CUX2: variants seen among roughly 807,000 people sequenced by gnomAD.
The protein encoded by CUX2 is homeobox protein cut-like 2.
A neutral mutation model predicts 144.8 loss-of-function variants in CUX2; 40 were observed. That is an observed-to-expected ratio of 0.28 (90% CI 0.21 to 0.36). The LOEUF (loss-of-function observed/expected upper bound fraction) is 0.36, where lower values mean the gene tolerates loss of function less well. Ranked by LOEUF, CUX2 falls within the 10% of genes least tolerant of loss-of-function variation. The probability of loss-of-function intolerance (pLI) is 1.00; values close to 1 mark genes in which losing one functional copy is unlikely to be tolerated. For synonymous variants in CUX2, 827 were observed against 875.6 expected (o/e 0.94, Z 0.98); for missense variants, 1,615 against 1,994.0 (o/e 0.81, Z 3.62).
Position 111,293,585 on chromosome 12 carries a change from T to C in CUX2, c.560+16T>C. The C allele has an allele frequency of 6.4e-7, 1 of 1,561,954 alleles. No individual in the cohort carries two copies. The highest frequency in any genetic ancestry group is 8.7e-7 in the Non-Finnish European group (1 of 1,153,206). ...AAAAACAAAAGTGAGGAAGGGAAGG[T>C]GGGTGGGAGGGAGGAAGGAATGGGC... On this transcript the variant is annotated intron_variant, in intron 6 of 21. Transcript: ENST00000261726. This position sits in a 1 kb window ranked among gnomAD's most constrained non-coding sequence, Gnocchi z 4.5.
intron 10 of CUX2, among the ~76,000 whole-genome samples, chr12:111,305,005 C>T (rs975898914): frequency 6.6e-6 from 1 of 152,206 alleles, no homozygotes; most frequent in African/African-American, 2.4e-5. Flanking sequence ...AGCCAGTCTT[C>T]GGTGATCAAC....
intron 4 of CUX2, among the ~76,000 whole-genome samples, chr12:111,272,510 G>A (rs182232443): frequency 8.5e-5 from 13 of 152,252 alleles, no homozygotes. Context: ...TGTCACACAG[G>A]CTGGAGTGCA....
chr12:111,044,874 C>T (rs1343427950), intron 1 of CUX2, among the ~76,000 whole-genome samples: 1 of 152,140 alleles, frequency 6.6e-6, no homozygotes, highest in South Asian at 2.1e-4. Flanking sequence ...AGGCCTGTGG[C>T]GAATGAGGGT....
chr12:111,240,977 G>A (rs1882991736), intron 3 of CUX2, among the ~76,000 whole-genome samples: 2 of 152,188 alleles, frequency 1.3e-5, no homozygotes, highest in African/African-American at 2.4e-5. Flanking sequence ...CTAGTGGAGA[G>A]GGGCCTGTCT....
At chr12:111,111,648 T>C (rs576501786) in intron 1 of CUX2, among the ~76,000 whole-genome samples, 1 of 152,268 alleles carries the variant, frequency 6.6e-6, no homozygotes, top group Admixed American at 6.5e-5. Context: ...AGGAATTTAA[T>C]AGGCCCGGGG....
chr12:111,115,498 G>C (rs1874242911), intron 1 of CUX2, among the ~76,000 whole-genome samples: 1 of 151,902 alleles, frequency 6.6e-6, no homozygotes, highest in African/African-American at 2.4e-5. Flanking sequence ...TGTTAGCCAG[G>C]ATGGTCTCAA....
chr12:111,267,850 T>C (rs1417973930), intron 4 of CUX2, among the ~76,000 whole-genome samples: 1 of 152,150 alleles, frequency 6.6e-6, no homozygotes, highest in South Asian at 2.1e-4. Context: ...TATGAGGTCT[T>C]GCTTAACAAA....
intron 16 of CUX2, among the ~76,000 whole-genome samples, chr12:111,317,588 T>C (rs926909100): frequency 6.6e-6 from 1 of 152,228 alleles, no homozygotes; most frequent in Non-Finnish European, 1.5e-5. Flanking sequence ...CTCCCAGAGA[T>C]GTCTTTCATC....
chr12:111,063,032 G>A (rs1309251096), intron 1 of CUX2, among the ~76,000 whole-genome samples: 2 of 152,106 alleles, frequency 1.3e-5, no homozygotes, highest in Admixed American at 6.5e-5. Flanking sequence ...AAGAGGAGGA[G>A]GATTGAAGGG....
intron 18 of CUX2, among the ~76,000 whole-genome samples, chr12:111,332,040 C>G (rs537491244): frequency 6.6e-6 from 1 of 151,208 alleles, no homozygotes; most frequent in East Asian, 2.0e-4. Flanking sequence ...GATCATGCCA[C>G]TGCACTCCAG....
intron 16 of CUX2, among the ~76,000 whole-genome samples, chr12:111,313,245 ATTT>A (rs1164689774): frequency 8.3e-6 from 1 of 120,226 alleles, no homozygotes; most frequent in Non-Finnish European, 1.7e-5. Flanking sequence ...TTTTTTTTGT[ATTT>A]TTAGTAGAGA....
rs142501362 is a variant in CUX2, at chr12:111,312,866, C to T, written c.2002+665C>T. Among the ~76,000 whole-genome samples the T allele has an allele frequency of 1.2e-3, 182 of 152,250 alleles. 1 individual carries two copies. The highest frequency in any genetic ancestry group is 4.3e-3 in the African/African-American group (178 of 41,540). On this transcript the variant is annotated intron_variant, in intron 16 of 21. Transcript: ENST00000261726. This position sits in a 1 kb window ranked among gnomAD's most constrained non-coding sequence, Gnocchi z 4.3. ...TTACCCCAGACACCTTTCACCTGGC[C>T]AACTCCTACTCATACCTATGACTCA... is the stretch of plus-strand genomic sequence containing the variant.
At chr12:111,205,320 C>T (rs79972638) in intron 1 of CUX2, among the ~76,000 whole-genome samples, 2,805 of 152,238 alleles carry the variant, frequency 0.018, 84 homozygotes, top group African/African-American at 0.063. Flanking sequence ...TGAAGCCCTC[C>T]TCAGTGTTTG....
Position 111,034,248 on chromosome 12 carries a change from CG to C in CUX2, c.63+11del. 1 of 1,350,680 alleles carries C rather than the reference CG, an allele frequency of 7.4e-7. No individual in the cohort carries two copies. Among genetic ancestry groups the C allele is most frequent in the Non-Finnish European group, 9.8e-7 (1 of 1,019,800 alleles). The allele number at this position is 1,350,680 out of a possible 1,614,324, so 83.7% of individuals were successfully genotyped here. On this transcript the variant is annotated intron_variant, in intron 1 of 21. Coordinates refer to ENST00000261726, the MANE Select transcript of CUX2 (RefSeq NM_015267.4). This position sits in a 1 kb window ranked among gnomAD's most constrained non-coding sequence, Gnocchi z 4.2. ...GATCTACGGCGACTCCAGGTTAGTG[CG>C]GGCAGCGCCGGCCGCGCGGCCGTGA...
At chr12:111,149,452 T>C (rs1592941193) in intron 1 of CUX2, among the ~76,000 whole-genome samples, 1 of 152,160 alleles carries the variant, frequency 6.6e-6, no homozygotes, top group East Asian at 1.9e-4. Context: ...GCCTGTATAT[T>C]GTGGGGTGTT....
chr12:111,291,100 A>G (rs971355421), intron 4 of CUX2, among the ~76,000 whole-genome samples: 7 of 151,918 alleles, frequency 4.6e-5, no homozygotes, highest in Non-Finnish European at 8.8e-5. Flanking sequence ...CCTGACCTCA[A>G]ATGATCCGCC....
At chr12:111,148,039 CT>C (rs1394630046) in intron 1 of CUX2, among the ~76,000 whole-genome samples, 1 of 152,212 alleles carries the variant, frequency 6.6e-6, no homozygotes, top group Non-Finnish European at 1.5e-5. Context: ...GGTTTCGCTT[CT>C]TGCTACACAC....
At chr12:111,117,701 G>C (rs1566232917) in intron 1 of CUX2, among the ~76,000 whole-genome samples, 2 of 152,160 alleles carry the variant, frequency 1.3e-5, no homozygotes, top group Non-Finnish European at 2.9e-5. Context: ...TACCTACAGA[G>C]CACTTTTAAC....
rs752391047 is a variant in CUX2, at chr12:111,320,600, G to A, written c.2591G>A (p.Arg864Gln). The A allele has an allele frequency of 1.9e-6, 3 of 1,544,644 alleles. No homozygotes were observed. Residue 864 changes from arginine (R) to glutamine (Q), a missense_variant, in exon 17 of 22, where the codon CGG becomes CAG. Physicochemically the swap from Arg to Gln is conservative, Grantham distance 43. Around this residue, in one of 12 missense-constraint regions of CUX2, gnomAD observed 390 missense variants for 387.1 expected, o/e 1.01. Transcript: ENST00000261726. This position sits in a 1 kb window ranked among gnomAD's most constrained non-coding sequence, Gnocchi z 8.1. ...AEGATAEAGA[R>Q]LPYYPAYVPR... Reference sequence around the variant, plus strand: ...GGCGCGACGGCCGAGGCGGGCGCGCGGCTGCCCTACTACCCGGCCTACGTG... The same window carrying A: ...GGCGCGACGGCCGAGGCGGGCGCGCAGCTGCCCTACTACCCGGCCTACGTG...
Sources: allele counts gnomAD v4.1 joint callset (sites outside exome capture counted in the v4.1 genomes callset), GRCh38; gene constraint gnomAD v4.1.1; regional missense constraint gnomAD v4.1.1; non-coding constraint Gnocchi (gnomAD v3.1); transcripts MANE v1.5; gene names NCBI Gene and HGNC (gene_info 2026-07-23, HGNC 2026-07-21).